The following GFOD1 variants were observed in gnomAD, a reference collection of about 807,000 sequenced individuals.
GFOD1 encodes glucose-fructose oxidoreductase domain-containing protein 1.
In GFOD1, 9 loss-of-function variants were observed where a neutral mutation model predicts 25.4. The observed-to-expected ratio is 0.35, with a 90% confidence interval of 0.21 to 0.62. The LOEUF (loss-of-function observed/expected upper bound fraction) is 0.62, where lower values mean the gene tolerates loss of function less well. Among genes scored for constraint, GFOD1 ranks in the 20% least tolerant of loss-of-function variants. GFOD1 has a pLI of 0.72. For synonymous variants in GFOD1, 253 were observed against 245.6 expected, an observed-to-expected ratio of 1.03 and a Z score of -0.28; for missense variants, 403 against 556.9, an observed-to-expected ratio of 0.72 and a Z score of 2.78.
chr6:13,386,227 G>C (rs981475375), intron 1 of GFOD1, among the ~76,000 whole-genome samples: 4 of 152,156 alleles, frequency 2.6e-5, no homozygotes, highest in Non-Finnish European at 5.9e-5. Context: ...TCAGTGTTCA[G>C]AATCCTCGGT....
At chr6:13,381,915 GCACA>G (rs112808546) in intron 1 of GFOD1, among the ~76,000 whole-genome samples, 21,963 of 139,996 alleles carry the variant, frequency 0.16, 1,884 homozygotes, top group East Asian at 0.33. Flanking sequence ...ACGCGCGCGC[GCACA>G]CACACACACA....
intron 1 of GFOD1, among the ~76,000 whole-genome samples, chr6:13,400,008 G>T (rs1472718340): frequency 6.6e-6 from 1 of 152,050 alleles, no homozygotes; most frequent in Non-Finnish European, 1.5e-5. Flanking sequence ...TCCTCCACGT[G>T]GTCACACAGT....
rs1049097343 is a variant in GFOD1 at position 13,430,400 on chromosome 6, G to A, written c.253+56238C>T. On this transcript the variant is annotated intron_variant, in intron 1 of 1. Coordinates refer to ENST00000379287, the MANE Select transcript of GFOD1 (RefSeq NM_018988.4). This position sits in a 1 kb window ranked among gnomAD's most constrained non-coding sequence, Gnocchi z 4.1. ...TGCAGTGATCCGAGATCACACCACT[G>A]CACTCCAGCCTGGGTGACAGAACGA... is the stretch of plus-strand genomic sequence containing the variant. 3.3e-5 allele frequency among the ~76,000 whole-genome samples: 5 copies of A among 152,110 alleles called. No individual in the cohort carries two copies. Among genetic ancestry groups the A allele is most frequent in the Non-Finnish European group, 7.4e-5 (5 of 68,010 alleles).
At chr6:13,445,921 A>C (rs73725829) in intron 1 of GFOD1, among the ~76,000 whole-genome samples, 7,301 of 152,276 alleles carry the variant, frequency 0.048, 559 homozygotes, top group African/African-American at 0.17. Flanking sequence ...ATAGAGCATC[A>C]CACCACAGAG....
chr6:13,409,151 G>GA lies in GFOD1; in HGVS notation c.254-43490dup, dbSNP rs751020501. Among the ~76,000 whole-genome samples the GA allele has an allele frequency of 9.7e-3, 624 of 64,578 alleles. 203 individuals carry two copies. The highest frequency in any genetic ancestry group is 0.029 in the South Asian group (52 of 1,824). 42.4% of individuals were successfully genotyped at this position (64,578 alleles called of 152,430 possible). A position where few individuals can be genotyped will look rare whatever the true frequency, so the allele number is the denominator to read the frequency against. On this transcript the variant is annotated intron_variant, in intron 1 of 1. Transcript: ENST00000379287. ...AAAGAAAGAAAGAAAGAAAGAAAGAGAGGAAAGAAAGAAAGGAAAGAGAGA... is the reference window on the plus strand; with the variant it reads ...AAAGAAAGAAAGAAAGAAAGAAAGAGAAGGAAAGAAAGAAAGGAAAGAGAGA...
At chr6:13,459,238 C>A (rs1285276226) in intron 1 of GFOD1, among the ~76,000 whole-genome samples, 1 of 151,948 alleles carries the variant, frequency 6.6e-6, no homozygotes, top group Non-Finnish European at 1.5e-5. Flanking sequence ...ACAAACCTGA[C>A]AAAAACAAGC....
At chr6:13,404,775 T>C (rs1465212783) in intron 1 of GFOD1, among the ~76,000 whole-genome samples, 1 of 152,122 alleles carries the variant, frequency 6.6e-6, no homozygotes, top group Admixed American at 6.5e-5. Flanking sequence ...CTGGTTGGAG[T>C]TGTCTGCATG....
rs1363649301 is a variant in GFOD1 at position 13,487,514 on chromosome 6, C to G, written c.-624G>C. ...AGCTGCAGCGCGGCAGCGGCGGCCA[C>G]GACCCGGCGCCAGCCTCCTCATTCT... On this transcript the variant is annotated 5_prime_UTR_variant, in exon 1 of 2. Coordinates refer to ENST00000379287, the MANE Select transcript of GFOD1 (RefSeq NM_018988.4). The surrounding 1 kb of genome is among the most constrained non-coding windows in gnomAD (Gnocchi z 4.9). 2 of 152,044 alleles carry G rather than the reference C, an allele frequency of 1.3e-5. No individual in the cohort carries two copies. Among genetic ancestry groups the G allele is most frequent in the Non-Finnish European group, 2.9e-5 (2 of 68,010 alleles). The allele number at this position is 152,044 out of a possible 1,614,324, so 9.4% of individuals were successfully genotyped here.
chr6:13,446,115 A>G (rs1757998449), intron 1 of GFOD1, among the ~76,000 whole-genome samples: 1 of 152,230 alleles, frequency 6.6e-6, no homozygotes, highest in African/African-American at 2.4e-5. Context: ...TGTTCTGTCC[A>G]CTTTGCTAAT....
At chr6:13,460,453 C>CT (rs1758272084) in intron 1 of GFOD1, among the ~76,000 whole-genome samples, 1 of 152,158 alleles carries the variant, frequency 6.6e-6, no homozygotes, top group Non-Finnish European at 1.5e-5. Context: ...AAATGTGGTA[C>CT]ATATACACCA....
intron 1 of GFOD1, among the ~76,000 whole-genome samples, chr6:13,426,258 C>T (rs1320257348): frequency 6.6e-6 from 1 of 152,250 alleles, no homozygotes; most frequent in African/African-American, 2.4e-5. Context: ...CCACACACGC[C>T]CCCAGGCAGG....
chr6:13,442,464 T>C (rs1051077742), intron 1 of GFOD1, among the ~76,000 whole-genome samples: 1 of 152,200 alleles, frequency 6.6e-6, no homozygotes, highest in African/African-American at 2.4e-5. Flanking sequence ...GCAACAGATT[T>C]TCAATGTAGA....
chr6:13,365,895 A>G lies in GFOD1; in HGVS notation c.254-233T>C, dbSNP rs1418544437. 6.8e-6 allele frequency among the ~76,000 whole-genome samples: 1 copy of G among 146,240 alleles called. No homozygotes were observed. The highest frequency in any genetic ancestry group is 2.5e-5 in the African/African-American group (1 of 40,032). Reference sequence around the variant, plus strand: ...TCCTGTCTCAATAATAATAATAATAATAATAATAATAATAATAATAATAAT... The same window carrying G: ...TCCTGTCTCAATAATAATAATAATAGTAATAATAATAATAATAATAATAAT... On this transcript the variant is annotated intron_variant, in intron 1 of 1. Transcript: ENST00000379287. This position sits in a 1 kb window ranked among gnomAD's most constrained non-coding sequence, Gnocchi z 9.2.
At chr6:13,485,891 G>T in intron 1 of GFOD1, 2 of 314,514 alleles carry the variant, frequency 6.4e-6, no homozygotes, top group Non-Finnish European at 9.2e-6. Context: ...TTTCCCGGGA[G>T]GCTGCAGTCA....
chr6:13,417,370 G>A (rs1786180453), intron 1 of GFOD1, among the ~76,000 whole-genome samples: 1 of 152,200 alleles, frequency 6.6e-6, no homozygotes, highest in South Asian at 2.1e-4. Flanking sequence ...AGCCAGGATG[G>A]TCTCGATCTC....
At chr6:13,417,942 C>T (rs1022330707) in intron 1 of GFOD1, among the ~76,000 whole-genome samples, 2 of 152,128 alleles carry the variant, frequency 1.3e-5, no homozygotes, top group Non-Finnish European at 2.9e-5. Flanking sequence ...TGGCCATTTT[C>T]ATCAATGCAT....
intron 1 of GFOD1, among the ~76,000 whole-genome samples, chr6:13,437,017 A>G (rs572364442): frequency 6.6e-6 from 1 of 152,320 alleles, no homozygotes; most frequent in East Asian, 1.9e-4. Context: ...CAGGGCCTGG[A>G]TATCCCTTGG....
At chr6:13,469,890 G>A (rs1274453386) in intron 1 of GFOD1, 1 of 1,272,214 alleles carries the variant, frequency 7.9e-7, no homozygotes, top group African/African-American at 1.5e-5. Flanking sequence ...CACCAAATCT[G>A]GCACATGGTA....
intron 1 of GFOD1, among the ~76,000 whole-genome samples, chr6:13,416,859 T>C (rs894096305): frequency 6.6e-6 from 1 of 152,110 alleles, no homozygotes; most frequent in Non-Finnish European, 1.5e-5. Flanking sequence ...GTGATGGAGA[T>C]GGGGATGGAG....
Sources: gnomAD v4.1 joint callset for allele counts (sites outside exome capture counted in the v4.1 genomes callset) on GRCh38, gnomAD v4.1.1 for gene constraint, Gnocchi (gnomAD v3.1) non-coding constraint, MANE v1.5 for transcripts, NCBI Gene and HGNC (gene_info 2026-07-23, HGNC 2026-07-21) for gene names.